Variants in SYNDIG1 observed in about 807,000 individuals in gnomAD.
SYNDIG1 encodes the protein synapse differentiation-inducing gene protein 1.
In SYNDIG1, 9 loss-of-function variants were observed where a neutral mutation model predicts 19.4. The observed-to-expected ratio is 0.46, with a 90% CI of 0.28 to 0.81. The LOEUF (loss-of-function observed/expected upper bound fraction) is 0.81, where lower values mean the gene tolerates loss of function less well. Among genes scored for constraint, SYNDIG1 ranks in the 30% least tolerant of loss-of-function variants. SYNDIG1 has a pLI of 0.12. For missense variants in SYNDIG1, 311 were observed against 343.3 expected (o/e 0.91, Z 0.74); for synonymous variants, 141 against 145.9 (o/e 0.97, Z 0.24).
intron 2 of SYNDIG1, among the ~76,000 whole-genome samples, chr20:24,550,871 C>G (rs76022794): frequency 6.6e-6 from 1 of 152,102 alleles, no homozygotes. Context: ...CCCACTTTGT[C>G]GTGGTTTATA....
chr20:24,553,137 G>T (rs1173579773), intron 2 of SYNDIG1, among the ~76,000 whole-genome samples: 1 of 151,512 alleles, frequency 6.6e-6, no homozygotes, highest in South Asian at 2.1e-4. Flanking sequence ...CATGTCCTTC[G>T]CCCACTTTTT....
At chr20:24,639,863 T>C (rs1445285607) in intron 3 of SYNDIG1, among the ~76,000 whole-genome samples, 1 of 152,250 alleles carries the variant, frequency 6.6e-6, no homozygotes, top group Non-Finnish European at 1.5e-5. Flanking sequence ...CACTGCCTTA[T>C]AAGCATAATT....
chr20:24,581,056 A>T (rs572349342), intron 2 of SYNDIG1, among the ~76,000 whole-genome samples: 5 of 152,022 alleles, frequency 3.3e-5, no homozygotes, highest in Non-Finnish European at 7.4e-5. Flanking sequence ...TGGCAGGGAG[A>T]GGGGAGGAAG....
At chr20:24,488,724 G>T (rs932779123) in intron 1 of SYNDIG1, among the ~76,000 whole-genome samples, 1 of 152,226 alleles carries the variant, frequency 6.6e-6, no homozygotes, top group African/African-American at 2.4e-5. Flanking sequence ...TCATTGATGA[G>T]CTCAGTGGGA....
At chr20:24,509,410 C>A (rs1477006476) in intron 1 of SYNDIG1, among the ~76,000 whole-genome samples, 21 of 152,204 alleles carry the variant, frequency 1.4e-4, no homozygotes, top group Admixed American at 1.3e-3. Flanking sequence ...CCTAACAATA[C>A]AAGGAGTTTA....
chr20:24,474,479 G>C (rs1356165878), intron 1 of SYNDIG1, among the ~76,000 whole-genome samples: 1 of 152,066 alleles, frequency 6.6e-6, no homozygotes, highest in African/African-American at 2.4e-5. Flanking sequence ...GTTTCCAAAG[G>C]CACAACCCAG....
At chr20:24,653,711 A>G (rs2147376023) in intron 3 of SYNDIG1, among the ~76,000 whole-genome samples, 1 of 152,334 alleles carries the variant, frequency 6.6e-6, no homozygotes, top group South Asian at 2.1e-4. Context: ...AAAATGCCAG[A>G]CTGAGTGACT....
intron 1 of SYNDIG1, among the ~76,000 whole-genome samples, chr20:24,542,679 T>A (rs2057490589): frequency 1.3e-5 from 2 of 151,918 alleles, no homozygotes; most frequent in Admixed American, 6.6e-5. Flanking sequence ...TATGGACTTG[T>A]CAGATGCTAA....
chr20:24,646,688 GTCGGCTCTC>G (rs2059425916), intron 3 of SYNDIG1, among the ~76,000 whole-genome samples: 1 of 149,262 alleles, frequency 6.7e-6, no homozygotes, highest in African/African-American at 2.4e-5. Flanking sequence ...GTGGCGTGAT[GTCGGCTCTC>G]TACAATGTCC....
chr20:24,555,104 A>C (rs2057786572), intron 2 of SYNDIG1, among the ~76,000 whole-genome samples: 1 of 152,116 alleles, frequency 6.6e-6, no homozygotes, highest in African/African-American at 2.4e-5. Context: ...AGGTGTTTGT[A>C]GTATTCTCTG....
chr20:24,663,725 C>T (rs1239721748), intron 3 of SYNDIG1, among the ~76,000 whole-genome samples: 1 of 152,222 alleles, frequency 6.6e-6, no homozygotes, highest in Admixed American at 6.5e-5. Flanking sequence ...ATGAATGCTG[C>T]TGGCAGGTGC....
At chr20:24,645,405 C>T (rs990303214) in intron 3 of SYNDIG1, among the ~76,000 whole-genome samples, 2 of 152,240 alleles carry the variant, frequency 1.3e-5, no homozygotes, top group Non-Finnish European at 2.9e-5. Context: ...AACCATTAGA[C>T]GAGAGCCCAC....
intron 3 of SYNDIG1, among the ~76,000 whole-genome samples, chr20:24,635,456 A>C (rs978363927): frequency 2.0e-5 from 3 of 152,120 alleles, no homozygotes; most frequent in African/African-American, 7.2e-5. Context: ...AAGAGAACCT[A>C]TTGCTATGAT....
At position 24,607,081 on chromosome 20, in the gene SYNDIG1, C is replaced by T. The variant is rs535379779; in HGVS notation, c.618+22088C>T. Among the ~76,000 whole-genome samples, 5 of 152,238 alleles carry T rather than the reference C, an allele frequency of 3.3e-5. No homozygotes were observed. The South Asian group carries it at 8.3e-4, about 25-fold the overall frequency. ...TTCTTTTTGAAAACTCCACCTTGGC[C>T]GGGCACCATGGCTCATGCCTATAAT... On this transcript the variant is annotated intron_variant, in intron 3 of 3. Transcript: ENST00000376862.
chr20:24,525,473 G>A (rs1489798097), intron 1 of SYNDIG1, among the ~76,000 whole-genome samples: 1 of 151,718 alleles, frequency 6.6e-6, no homozygotes, highest in Non-Finnish European at 1.5e-5. Context: ...TAGTAGAGAC[G>A]GGGTTTCACG....
At chr20:24,536,787 T>G (rs1325270325) in intron 1 of SYNDIG1, among the ~76,000 whole-genome samples, 1 of 152,170 alleles carries the variant, frequency 6.6e-6, no homozygotes, top group Non-Finnish European at 1.5e-5. Context: ...ATCCTCCAGC[T>G]GTGGGATGAG....
intron 2 of SYNDIG1, among the ~76,000 whole-genome samples, chr20:24,553,396 C>T (rs2146812469): frequency 6.6e-6 from 1 of 152,270 alleles, no homozygotes; most frequent in South Asian, 2.1e-4. Flanking sequence ...ATGCCTGTGT[C>T]CTGAATGGTA....
chr20:24,550,535 GTC>G (rs1278716581), intron 2 of SYNDIG1, among the ~76,000 whole-genome samples: 16 of 149,226 alleles, frequency 1.1e-4, no homozygotes, highest in Non-Finnish European at 1.8e-4. Flanking sequence ...TTGAGACGGA[GTC>G]TCTCTCTGTC....
At chr20:24,545,185 T>C (rs1162118152) in intron 2 of SYNDIG1, among the ~76,000 whole-genome samples, 1 of 152,106 alleles carries the variant, frequency 6.6e-6, no homozygotes, top group Non-Finnish European at 1.5e-5. Flanking sequence ...GAAACTTTGG[T>C]GCAACTCCAG....
Sources: gnomAD v4.1 joint callset for allele counts (sites outside exome capture counted in the v4.1 genomes callset) on GRCh38, gnomAD v4.1.1 for gene constraint, MANE v1.5 for transcripts, NCBI Gene and HGNC (gene_info 2026-07-23, HGNC 2026-07-21) for gene names.